Variants in MAGI3 observed in about 807,000 individuals in gnomAD.
MAGI3 encodes membrane associated guanylate kinase, WW and PDZ domain containing 3.
Under a neutral mutation model 121.8 loss-of-function variants are expected in MAGI3, and 43 were observed. The observed-to-expected ratio is 0.35, with a 90% confidence interval of 0.28 to 0.46. MAGI3 has a LOEUF of 0.46. Ranked by LOEUF, MAGI3 falls within the 20% of genes least tolerant of loss-of-function variation. MAGI3 has a pLI of 1.00. For missense variants in MAGI3, 1,547 were observed against 1,797.3 expected, an observed-to-expected ratio of 0.86 and a Z score of 2.52; for synonymous variants, 553 against 639.3, an observed-to-expected ratio of 0.86 and a Z score of 2.04.
chr1:113,594,633 G>T lies in MAGI3; in HGVS notation c.1018+73G>T. On this transcript the variant is annotated intron_variant, in intron 6 of 20. Coordinates refer to ENST00000307546, the MANE Select transcript of MAGI3 (RefSeq NM_001142782.2). ...TCTTGCTCTTCTTGCTCAGATAATGGGTTTTTCAAAACCCTAAACAAACCA... is the reference window on the plus strand; with the variant it reads ...TCTTGCTCTTCTTGCTCAGATAATGTGTTTTTCAAAACCCTAAACAAACCA... 4 of 1,338,298 alleles carry T rather than the reference G, an allele frequency of 3.0e-6. No homozygotes were observed. In the South Asian group the frequency reaches 5.6e-5, roughly 19 times the overall value. The allele number at this position is 1,338,298 out of a possible 1,614,324, so 82.9% of individuals were successfully genotyped here. A position where few individuals can be genotyped will look rare whatever the true frequency, so the allele number is the denominator to read the frequency against.
At chr1:113,553,225 C>T (rs1003853434) in intron 2 of MAGI3, among the ~76,000 whole-genome samples, 1 of 152,070 alleles carries the variant, frequency 6.6e-6, no homozygotes, top group Non-Finnish European at 1.5e-5. Flanking sequence ...TTCTGGACCA[C>T]AGCACAAGGA....
chr1:113,620,583 G>T (rs1176777018), intron 8 of MAGI3, among the ~76,000 whole-genome samples: 1 of 152,126 alleles, frequency 6.6e-6, no homozygotes, highest in Non-Finnish European at 1.5e-5. Flanking sequence ...ATTTCGTTTA[G>T]CAAACATTTT....
At chr1:113,477,085 C>T (rs558371182) in intron 1 of MAGI3, among the ~76,000 whole-genome samples, 7 of 150,210 alleles carry the variant, frequency 4.7e-5, no homozygotes, top group Non-Finnish European at 8.9e-5. Flanking sequence ...CTTGATAGAT[C>T]TTCCTCCATC....
In MAGI3 at chr1:113,658,885, T is replaced by C. The variant is rs1280479875; in HGVS notation, c.2630-195T>C. 3.3e-5 allele frequency among the ~76,000 whole-genome samples: 5 copies of C among 152,204 alleles called. No homozygotes were observed. Among genetic ancestry groups the C allele is most frequent in the African/African-American group, 1.2e-4 (5 of 41,452 alleles). On this transcript the variant is annotated intron_variant, in intron 15 of 20. Transcript: ENST00000307546. The surrounding 1 kb of genome is among the most constrained non-coding windows in gnomAD (Gnocchi z 4.0). ...TATGATTACAACTGTGTAAAGAGTA[T>C]TTATGCATGTGGGCAAAAGTGAGAA...
chr1:113,514,826 A>G (rs1400204072), intron 1 of MAGI3, among the ~76,000 whole-genome samples: 3 of 152,172 alleles, frequency 2.0e-5, no homozygotes, highest in Admixed American at 2.0e-4. Flanking sequence ...CTTAAACCAC[A>G]AATCCAAATT....
At chr1:113,507,388 T>C (rs2101604984) in intron 1 of MAGI3, among the ~76,000 whole-genome samples, 1 of 152,302 alleles carries the variant, frequency 6.6e-6, no homozygotes, top group South Asian at 2.1e-4. Flanking sequence ...CACTAATCTT[T>C]TATATTTTTC....
At chr1:113,427,258 C>A (rs1653057781) in intron 1 of MAGI3, among the ~76,000 whole-genome samples, 1 of 152,196 alleles carries the variant, frequency 6.6e-6, no homozygotes, top group Non-Finnish European at 1.5e-5. Flanking sequence ...GAGTCTCAGG[C>A]CTTTGAGGCC....
intron 1 of MAGI3, among the ~76,000 whole-genome samples, chr1:113,486,574 C>T (rs1330101875): frequency 1.3e-5 from 2 of 151,002 alleles, no homozygotes; most frequent in East Asian, 3.9e-4. Context: ...GGTGTGAGGA[C>T]TTACTATGTA....
chr1:113,487,990 T>C (rs1049580447), intron 1 of MAGI3, among the ~76,000 whole-genome samples: 2 of 152,216 alleles, frequency 1.3e-5, no homozygotes, highest in Admixed American at 6.5e-5. Flanking sequence ...GGTAAAGTTA[T>C]GATAGAGAAC....
At chr1:113,551,616 A>G (rs1276242961) in intron 2 of MAGI3, among the ~76,000 whole-genome samples, 5 of 151,984 alleles carry the variant, frequency 3.3e-5, no homozygotes, top group African/African-American at 4.8e-5. Context: ...CCATCTTGTT[A>G]TTCTTAAAGT....
intron 1 of MAGI3, among the ~76,000 whole-genome samples, chr1:113,505,512 T>TAATTAATA (rs140237617): frequency 3.7e-5 from 5 of 135,598 alleles, no homozygotes; most frequent in South Asian, 2.5e-4. Flanking sequence ...GGTCCCTACA[T>TAATTAATA]AATAAATAAA....
intron 1 of MAGI3, among the ~76,000 whole-genome samples, chr1:113,462,868 A>G (rs1453985956): frequency 6.6e-6 from 1 of 152,110 alleles, no homozygotes; most frequent in Admixed American, 6.6e-5. Flanking sequence ...TGATGAAATA[A>G]TTTTCAGGAT....
chr1:113,451,527 C>T (rs1654484945), intron 1 of MAGI3, among the ~76,000 whole-genome samples: 1 of 152,086 alleles, frequency 6.6e-6, no homozygotes, highest in Non-Finnish European at 1.5e-5. Flanking sequence ...CTTTTTGATG[C>T]CAAGTGTTCT....
At chr1:113,668,874 G>A (rs546582551) in intron 16 of MAGI3, among the ~76,000 whole-genome samples, 41 of 152,214 alleles carry the variant, frequency 2.7e-4, no homozygotes, top group South Asian at 1.0e-3. Flanking sequence ...GAGCCACCGC[G>A]CCCGGCCAAA....
chr1:113,488,628 T>C (rs927253740), intron 1 of MAGI3, among the ~76,000 whole-genome samples: 4 of 152,220 alleles, frequency 2.6e-5, no homozygotes, highest in Non-Finnish European at 4.4e-5. Context: ...TCAGCTGGCA[T>C]GTATCTGTGT....
At chr1:113,602,435 G>C (rs1649463443) in intron 6 of MAGI3, among the ~76,000 whole-genome samples, 1 of 152,062 alleles carries the variant, frequency 6.6e-6, no homozygotes. Flanking sequence ...AGTGACATAA[G>C]TTATCAAAAC....
At chr1:113,472,257 C>T (rs886690739) in intron 1 of MAGI3, among the ~76,000 whole-genome samples, 2 of 149,402 alleles carry the variant, frequency 1.3e-5, no homozygotes, top group Non-Finnish European at 3.0e-5. Flanking sequence ...GGCTGGAGTG[C>T]AGTGGCGCGA....
intron 1 of MAGI3, among the ~76,000 whole-genome samples, chr1:113,468,595 G>C (rs1655400313): frequency 6.6e-6 from 1 of 152,134 alleles, no homozygotes; most frequent in Admixed American, 6.6e-5. Context: ...GGGTAGATCA[G>C]AGTTTTTCCG....
chr1:113,581,442 A>G (rs1356463280), intron 3 of MAGI3, among the ~76,000 whole-genome samples: 1 of 152,060 alleles, frequency 6.6e-6, no homozygotes, highest in Non-Finnish European at 1.5e-5. Flanking sequence ...ATTCTTCATC[A>G]TTTCTCTCTT....
Sources: allele counts gnomAD v4.1 joint callset (sites outside exome capture counted in the v4.1 genomes callset), GRCh38; gene constraint gnomAD v4.1.1; non-coding constraint Gnocchi (gnomAD v3.1); transcripts MANE v1.5; gene names NCBI Gene and HGNC (gene_info 2026-07-23, HGNC 2026-07-21).